SYT1: variants seen among roughly 807,000 people sequenced by gnomAD.
SYT1 encodes synaptotagmin-1.
In SYT1, 8 loss-of-function variants were observed where a neutral mutation model predicts 44.8. The observed-to-expected ratio is 0.18, with a 90% CI of 0.10 to 0.32. The LOEUF (loss-of-function observed/expected upper bound fraction) is 0.32. Among genes scored for constraint, SYT1 ranks in the 10% least tolerant of loss-of-function variants. The pLI is 1.00. For missense variants in SYT1, 286 were observed against 509.3 expected, an observed-to-expected ratio of 0.56 and a Z score of 4.22; for synonymous variants, 154 against 188.8, an observed-to-expected ratio of 0.82 and a Z score of 1.51.
intron 3 of SYT1, among the ~76,000 whole-genome samples, chr12:79,059,655 T>G (rs758132463): frequency 3.9e-4 from 59 of 152,110 alleles, no homozygotes; most frequent in Non-Finnish European, 6.9e-4. Flanking sequence ...CTGTACTTGT[T>G]GTGGGCTGGC....
chr12:79,433,281 G>A (rs542777771), intron 9 of SYT1, among the ~76,000 whole-genome samples: 4 of 152,274 alleles, frequency 2.6e-5, no homozygotes, highest in Non-Finnish European at 4.4e-5. Context: ...CCAGGAACCC[G>A]TGTAGTCATA....
At chr12:78,939,134 A>T (rs192610498) in intron 1 of SYT1, among the ~76,000 whole-genome samples, 45 of 152,142 alleles carry the variant, frequency 3.0e-4, no homozygotes, top group African/African-American at 5.8e-4. Context: ...GGTAGTTTTT[A>T]AAAAAAATAA....
intron 9 of SYT1, among the ~76,000 whole-genome samples, chr12:79,439,981 T>A (rs147458561): frequency 3.6e-3 from 541 of 151,750 alleles, no homozygotes; most frequent in African/African-American, 0.012. Flanking sequence ...ATCCCAGCAT[T>A]TTAAGAGTCC....
At chr12:79,009,887 C>T (rs777695688) in intron 2 of SYT1, among the ~76,000 whole-genome samples, 4 of 152,098 alleles carry the variant, frequency 2.6e-5, no homozygotes, top group African/African-American at 7.2e-5. Flanking sequence ...TTAGCACAGA[C>T]GGCATCCTCT....
At chr12:79,158,217 G>T (rs938699542) in intron 3 of SYT1, among the ~76,000 whole-genome samples, 3 of 152,058 alleles carry the variant, frequency 2.0e-5, no homozygotes, top group Non-Finnish European at 4.4e-5. Context: ...TGAGCTTATT[G>T]TCCTACAACT....
chr12:79,216,839 C>T (rs1311779042), intron 3 of SYT1, among the ~76,000 whole-genome samples: 2 of 152,070 alleles, frequency 1.3e-5, no homozygotes, highest in African/African-American at 4.8e-5. Flanking sequence ...AACCATGCCA[C>T]ATTTATAGTG....
intron 3 of SYT1, among the ~76,000 whole-genome samples, chr12:79,050,266 T>C (rs1592701238): frequency 6.6e-6 from 1 of 152,016 alleles, no homozygotes; most frequent in South Asian, 2.1e-4. Context: ...AAGTGGATCA[T>C]CATAAAGGTC....
At chr12:79,342,324 C>T (rs1188022345) in intron 8 of SYT1, among the ~76,000 whole-genome samples, 3 of 152,064 alleles carry the variant, frequency 2.0e-5, no homozygotes, top group Non-Finnish European at 4.4e-5. Flanking sequence ...CTCAAACTCT[C>T]GGGCTCAACT....
intron 8 of SYT1, among the ~76,000 whole-genome samples, chr12:79,322,623 C>T (rs1277388198): frequency 6.6e-6 from 1 of 152,142 alleles, no homozygotes; most frequent in African/African-American, 2.4e-5. Flanking sequence ...CAAATTCTCT[C>T]CTCCCTCAAA....
intron 4 of SYT1, among the ~76,000 whole-genome samples, chr12:79,225,390 T>G (rs190858934): frequency 6.6e-6 from 1 of 152,302 alleles, no homozygotes; most frequent in East Asian, 1.9e-4. Flanking sequence ...CAGGAAGACT[T>G]GTAAGCCAGT....
chr12:78,931,308 A>G (rs1406022066), intron 1 of SYT1, among the ~76,000 whole-genome samples: 1 of 27,610 alleles, frequency 3.6e-5, no homozygotes, highest in Non-Finnish European at 6.4e-5. Flanking sequence ...GGAAGGAAGG[A>G]GAGGGAGGGA....
intron 3 of SYT1, among the ~76,000 whole-genome samples, chr12:79,202,328 T>C (rs1873839458): frequency 6.6e-6 from 1 of 152,202 alleles, no homozygotes; most frequent in African/African-American, 2.4e-5. Flanking sequence ...CATGTTCCAA[T>C]GTGAGATGGT....
At chr12:79,308,509 AAAAGAAAGAAAGAAAGAAGAAATAAAG>A (rs1389398488) in intron 8 of SYT1, among the ~76,000 whole-genome samples, 1 of 148,466 alleles carries the variant, frequency 6.7e-6, no homozygotes, top group African/African-American at 2.5e-5. Context: ...AAACTCCGTC[AAAAGAAAGAAAGAAAGAAGAAATAAAG>A]AAAGAAAGAA....
intron 4 of SYT1, 139 bp downstream of exon 4, chr12:79,217,824 A>G (rs1874909125): frequency 1.8e-6 from 1 of 566,144 alleles, no homozygotes; most frequent in Non-Finnish European, 2.7e-6. Context: ...GTATCCCAAT[A>G]TAAAATGAAA....
intron 2 of SYT1, among the ~76,000 whole-genome samples, chr12:78,998,859 C>T (rs758652667): frequency 1.3e-5 from 2 of 152,122 alleles, no homozygotes; most frequent in Non-Finnish European, 2.9e-5. Flanking sequence ...ATATTAAGTA[C>T]AACAAGTTGC....
intron 1 of SYT1, among the ~76,000 whole-genome samples, chr12:78,925,280 A>G (rs1877240275): frequency 1.3e-5 from 2 of 151,978 alleles, no homozygotes; most frequent in Non-Finnish European, 2.9e-5. Context: ...ACCTTAGAAT[A>G]TATAGAAACT....
At chr12:79,396,339 A>G (rs2136105316) in intron 9 of SYT1, among the ~76,000 whole-genome samples, 1 of 152,320 alleles carries the variant, frequency 6.6e-6, no homozygotes, top group East Asian at 1.9e-4. Context: ...GCAAGTAAAT[A>G]TTAATTTAAA....
At chr12:79,225,197 G>T (rs117300623) in intron 4 of SYT1, among the ~76,000 whole-genome samples, 1 of 151,066 alleles carries the variant, frequency 6.6e-6, no homozygotes, top group African/African-American at 2.4e-5. Context: ...GCAATAATCC[G>T]GATGAGAGAT....
At chr12:79,058,365 T>TA in intron 3 of SYT1, among the ~76,000 whole-genome samples, 1 of 152,246 alleles carries the variant, frequency 6.6e-6, no homozygotes, top group South Asian at 2.1e-4. Context: ...TTTTTCCTGA[T>TA]ACTCAGTTGA....
Sources: gnomAD v4.1 joint callset for allele counts (sites outside exome capture counted in the v4.1 genomes callset) on GRCh38, gnomAD v4.1.1 for gene constraint, MANE v1.5 for transcripts, NCBI Gene and HGNC (gene_info 2026-07-23, HGNC 2026-07-21) for gene names.